VIRMA: variants seen among roughly 807,000 people sequenced by gnomAD.
The protein encoded by VIRMA is protein virilizer homolog.
In VIRMA, 65 loss-of-function variants were observed where a neutral mutation model predicts 182.4. That is an observed-to-expected ratio of 0.36 (90% CI 0.29 to 0.44). The LOEUF (loss-of-function observed/expected upper bound fraction) is 0.44, where lower values mean the gene tolerates loss of function less well. Ranked by LOEUF, VIRMA falls within the 20% of genes least tolerant of loss-of-function variation. The pLI is 1.00. For synonymous variants in VIRMA, 709 were observed against 743.1 expected, an observed-to-expected ratio of 0.95 and a Z score of 0.75; for missense variants, 1,752 against 2,158.1, an observed-to-expected ratio of 0.81 and a Z score of 3.73.
At chr8:94,507,430 C>T (rs1485076929) in intron 15 of VIRMA, among the ~76,000 whole-genome samples, 1 of 151,528 alleles carries the variant, frequency 6.6e-6, no homozygotes, top group African/African-American at 2.4e-5. Flanking sequence ...CCACTGTGCC[C>T]AGCCAGAAAT....
intron 7 of VIRMA, among the ~76,000 whole-genome samples, chr8:94,528,856 C>T (rs143723768): frequency 1.4e-4 from 22 of 152,174 alleles, no homozygotes; most frequent in African/African-American, 5.3e-4. Context: ...GCAGTTTAGG[C>T]TGGCTGGTTA....
At chr8:94,499,209 CA>C in intron 17 of VIRMA, 164 bp downstream of exon 17, 1 of 434,928 alleles carries the variant, frequency 2.3e-6, no homozygotes, top group Non-Finnish European at 4.0e-6. Context: ...CTATTTTGCC[CA>C]GGCTGGTCTC....
intron 10 of VIRMA, among the ~76,000 whole-genome samples, chr8:94,516,845 G>T (rs992206331): frequency 6.6e-5 from 10 of 152,026 alleles, no homozygotes; most frequent in African/African-American, 2.4e-4. Context: ...TAAAATTTAG[G>T]ATTAAAAAGA....
chr8:94,503,359 C>G (rs963578726), intron 16 of VIRMA, among the ~76,000 whole-genome samples: 1 of 152,186 alleles, frequency 6.6e-6, no homozygotes, highest in African/African-American at 2.4e-5. Flanking sequence ...ATAGAAACAT[C>G]ATGTATTTCC....
intron 11 of VIRMA, 113 bp downstream of exon 11, chr8:94,514,756 A>T (rs1346059071): frequency 3.3e-6 from 2 of 599,352 alleles, no homozygotes; most frequent in African/African-American, 3.7e-5. Context: ...TAATAAATCA[A>T]TCAAGGACAC....
rs911238256 is a variant in VIRMA, at chr8:94,519,215, T to C, written c.2283A>G (p.Leu761=). 2 of 1,614,204 alleles carry C rather than the reference T, an allele frequency of 1.2e-6. No individual in the cohort carries two copies. The highest frequency in any genetic ancestry group is 8.5e-7 in the Non-Finnish European group (1 of 1,180,030). The change falls in exon 9 of 24, where the codon CTA becomes CTG. Residue 761 remains leucine, a synonymous_variant. Transcript: ENST00000297591. Reference sequence around the variant, plus strand: ...ATTGCAATGTCTGTGTTGAGTCCTGTAGCCACAAGGCAAATGCATCATCAA... The same window carrying C: ...ATTGCAATGTCTGTGTTGAGTCCTGCAGCCACAAGGCAAATGCATCATCAA... The part of the protein sequence containing the change: ...GVIDDAFALW[L]QDSTQTLQCI...
chr8:94,539,021 C>T (rs1291155445), intron 2 of VIRMA, among the ~76,000 whole-genome samples: 1 of 152,004 alleles, frequency 6.6e-6, no homozygotes, highest in Non-Finnish European at 1.5e-5. Flanking sequence ...CCTGCTACAG[C>T]CTCCCAAGTA....
intron 9 of VIRMA, 65 bp downstream of exon 9, chr8:94,518,920 C>T (rs1586087282): frequency 7.2e-7 from 1 of 1,389,178 alleles, no homozygotes; most frequent in Non-Finnish European, 9.8e-7. Flanking sequence ...TTTTAAGAAA[C>T]TAGACCATTA....
rs1395663507 is a variant in VIRMA at position 94,543,422 on chromosome 8, AAAG to A, written c.179+402_179+404del. On this transcript the variant is annotated intron_variant, in intron 2 of 23. Transcript: ENST00000297591. Reference sequence around the variant, plus strand: ...ATCTCAAAAAAAAAAAAAAAAAAAAAAAGGAGTAATAATAATAATAATAATAGT... The same window carrying A: ...ATCTCAAAAAAAAAAAAAAAAAAAAAGAGTAATAATAATAATAATAATAGT... Among the ~76,000 whole-genome samples the A allele has an allele frequency of 1.0e-4, 15 of 146,582 alleles. No homozygotes were observed. In the East Asian group the frequency reaches 2.9e-3, roughly 28 times the overall value.
intron 8 of VIRMA, among the ~76,000 whole-genome samples, chr8:94,523,634 A>G (rs1814850460): frequency 6.6e-6 from 1 of 151,174 alleles, no homozygotes; most frequent in Non-Finnish European, 1.5e-5. Context: ...AGGCTGGCCA[A>G]ATTTCTTTTT....
intron 5 of VIRMA, 73 bp downstream of exon 5, chr8:94,534,766 C>G (rs1057037478): frequency 6.5e-7 from 1 of 1,529,178 alleles, no homozygotes; most frequent in African/African-American, 1.5e-5. Context: ...TAAAAGAGTG[C>G]TCTTCGAATT....
At position 94,519,122 on chromosome 8, in the gene VIRMA, G is replaced by A; in HGVS notation, c.2376C>T (p.Leu792=). 1 of 1,614,064 alleles carries A rather than the reference G, an allele frequency of 6.2e-7. No homozygotes were observed. The highest frequency in any genetic ancestry group is 8.5e-7 in the Non-Finnish European group (1 of 1,179,978). The part of the protein sequence containing the change: ...TASEETDHSD[L]LGTLHNLYLI... Reference sequence around the variant, plus strand: ...AATAAAGATTGTGCAGGGTTCCCAAGAGATCTGAATGGTCTGTTTCTTCAC... The same window carrying A: ...AATAAAGATTGTGCAGGGTTCCCAAAAGATCTGAATGGTCTGTTTCTTCAC... Residue 792 remains leucine, a synonymous_variant, in exon 9 of 24, where the codon CTC becomes CTT. Transcript: ENST00000297591.
rs1352255091 is a variant in VIRMA at position 94,495,903 on chromosome 8, T to C, written c.4384-12A>G. The C allele has an allele frequency of 1.9e-6, 3 of 1,609,128 alleles. No homozygotes were observed. The highest frequency in any genetic ancestry group is 8.5e-7 in the Non-Finnish European group (1 of 1,178,204). ...TCTTTTGAATGTTCCTAGATACAAA[T>C]AAAGGCAGAATAAGAAGGTGCAGGT... On this transcript the variant is annotated splice_polypyrimidine_tract_variant and intron_variant, in intron 18 of 23. Transcript: ENST00000297591.
At chr8:94,527,715 A>C (rs554636058) in intron 7 of VIRMA, among the ~76,000 whole-genome samples, 14 of 152,208 alleles carry the variant, frequency 9.2e-5, no homozygotes, top group African/African-American at 3.1e-4. Context: ...CTCAGGAGGA[A>C]AGAAATTATG....
chr8:94,510,572 C>G lies in VIRMA; in HGVS notation c.3471G>C (p.Leu1157Phe). Residue 1157 changes from leucine to phenylalanine, a missense_variant, in exon 14 of 24, where the codon TTG becomes TTC. Physicochemically the swap from Leu to Phe is conservative, Grantham distance 22. Coordinates refer to ENST00000297591, the MANE Select transcript of VIRMA (RefSeq NM_015496.5). ...AGAAAGAGCGAACTATTTCTTGGAG[C>G]AACTTTGCTTGAACATGAAGGTGCA... ...WSMHLHVQAK[L>F]LQEIVRSFSG... 6.2e-7 allele frequency: 1 copy of G among 1,614,098 alleles called. No homozygotes were observed. The highest frequency in any genetic ancestry group is 8.5e-7 in the Non-Finnish European group (1 of 1,180,000).
intron 17 of VIRMA, chr8:94,499,032 G>A: frequency 6.4e-6 from 1 of 155,134 alleles, no homozygotes; most frequent in Non-Finnish European, 1.4e-5. Context: ...AGTGAGCCGA[G>A]ATTGTGCTAC....
Position 94,518,997 on chromosome 8 carries a change from T to C in VIRMA, c.2501A>G (p.Lys834Arg). 6.2e-7 allele frequency: 1 copy of C among 1,601,964 alleles called. No individual in the cohort carries two copies. The highest frequency in any genetic ancestry group is 8.5e-7 in the Non-Finnish European group (1 of 1,176,724). ...AGTAGGAAATTACCCCAAGGCTTCTTTGGAATAGTACTCCATTAGAGTAAT... is the reference window on the plus strand; with the variant it reads ...AGTAGGAAATTACCCCAAGGCTTCTCTGGAATAGTACTCCATTAGAGTAAT... ...SLITLMEYYSKEALGDSKSKK... is the reference protein window; with the variant it reads ...SLITLMEYYSREALGDSKSKK... Residue 834 changes from lysine to arginine, a missense_variant, in exon 9 of 24, where the codon AAA (lysine) becomes AGA (arginine). Physicochemically the swap from Lys to Arg is conservative, Grantham distance 26. This residue lies in a region of VIRMA where 777 missense variants were observed against 920.6 expected (regional missense o/e 0.84). Transcript: ENST00000297591.
At chr8:94,512,283 G>A in intron 11 of VIRMA, 194 bp from the exon 12 acceptor site, 1 of 281,966 alleles carries the variant, frequency 3.5e-6, no homozygotes, top group Non-Finnish European at 6.5e-6. Flanking sequence ...TTTGATCTCT[G>A]GCATATGTTG....
intron 21 of VIRMA, among the ~76,000 whole-genome samples, chr8:94,492,164 A>G (rs1339755443): frequency 1.3e-5 from 2 of 152,336 alleles, no homozygotes; most frequent in East Asian, 3.9e-4. Flanking sequence ...TGTAGAAAAC[A>G]ATATAACAAA....
Sources: allele counts gnomAD v4.1 joint callset (sites outside exome capture counted in the v4.1 genomes callset), GRCh38; gene constraint gnomAD v4.1.1; regional missense constraint gnomAD v4.1.1; transcripts MANE v1.5; gene names NCBI Gene and HGNC (gene_info 2026-07-23, HGNC 2026-07-21).